The following PPP1R12C variants were observed in gnomAD, a reference collection of about 807,000 sequenced individuals.
PPP1R12C encodes leukocyte receptor cluster (LRC) encoded novel gene 3.
A neutral mutation model predicts 95.6 loss-of-function variants in PPP1R12C; 48 were observed. The observed-to-expected ratio is 0.50, with a 90% confidence interval of 0.40 to 0.64. PPP1R12C has a LOEUF of 0.64. Among genes scored for constraint, PPP1R12C ranks in the 30% least tolerant of loss-of-function variants. The probability of loss-of-function intolerance (pLI) is 0.00; values close to 1 mark genes in which losing one functional copy is unlikely to be tolerated. For missense variants in PPP1R12C, 1,057 were observed against 1,083.3 expected (o/e 0.98, Z 0.34); for synonymous variants, 480 against 460.8 (o/e 1.04, Z -0.53).
At chr19:55,105,474 TTTTC>T (rs148184899) in intron 3 of PPP1R12C, among the ~76,000 whole-genome samples, 22,518 of 152,096 alleles carry the variant, frequency 0.15, 1,793 homozygotes, top group East Asian at 0.27. Flanking sequence ...ACCTGTTGTG[TTTTC>T]TTTATCTTTT....
At chr19:55,101,910 G>A (rs1010066704) in intron 4 of PPP1R12C, among the ~76,000 whole-genome samples, 5 of 152,058 alleles carry the variant, frequency 3.3e-5, no homozygotes, top group African/African-American at 9.7e-5. Context: ...GTGCTAAGCC[G>A]AAGGGACAGC....
chr19:55,096,790 A>G, intron 6 of PPP1R12C: 1 of 255,536 alleles, frequency 3.9e-6, no homozygotes, highest in Non-Finnish European at 7.3e-6. Flanking sequence ...TTCCCCGCGC[A>G]GTTCACCACC....
At position 55,091,570 on chromosome 19, in the gene PPP1R12C, C is replaced by T; in HGVS notation, c.2263-12G>A. 2 of 1,613,042 alleles carry T rather than the reference C, an allele frequency of 1.2e-6. No homozygotes were observed. Among genetic ancestry groups the T allele is most frequent in the Non-Finnish European group, 1.7e-6 (2 of 1,179,774 alleles). ...AGGTCAGACAGGGCCTGGGGGACGG[C>T]AAGGGTCAGCTGGGCAGCCCTGGCG... On this transcript the variant is annotated splice_polypyrimidine_tract_variant and intron_variant, in intron 21 of 21. Coordinates refer to ENST00000263433, the MANE Select transcript of PPP1R12C (RefSeq NM_017607.4).
intron 1 of PPP1R12C, chr19:55,113,575 C>T: frequency 7.6e-7 from 1 of 1,307,356 alleles, no homozygotes; most frequent in Non-Finnish European, 9.8e-7. Flanking sequence ...GCCTTGTGGA[C>T]ACTGGGTGGG....
At chr19:55,096,459 G>C in intron 6 of PPP1R12C, 124 bp from the exon 7 acceptor site, 1 of 1,177,696 alleles carries the variant, frequency 8.5e-7, no homozygotes, top group Non-Finnish European at 1.2e-6. Context: ...TGGGCTTACT[G>C]GTTTTCCTAC....
intron 6 of PPP1R12C, among the ~76,000 whole-genome samples, chr19:55,098,190 G>C (rs559476765): frequency 1.3e-5 from 2 of 152,346 alleles, no homozygotes; most frequent in South Asian, 2.1e-4. Context: ...CCGAGCTCCT[G>C]ACAGCACAAT....
Position 55,098,801 on chromosome 19 carries a change from C to T in PPP1R12C, c.934G>A (p.Ala312Thr), listed in dbSNP as rs1294007922. 3 of 1,613,572 alleles carry T rather than the reference C, an allele frequency of 1.9e-6. No homozygotes were observed. Among genetic ancestry groups the T allele is most frequent in the South Asian group, 2.2e-5 (2 of 91,088 alleles). ...EEVLSLLEEL[A>T]RKQEDLRNQK... ...ACACTCACGTCCTCCTGTTTCCGGG[C>T]CAGTTCCTCCAACAGGCTCAGTACT... The change falls in exon 6 of 22, where the codon GCC becomes ACC. Residue 312 changes from alanine to threonine, a missense_variant. By Grantham distance (58) the Ala-to-Thr change is moderately conservative. Around this residue, in one of 5 missense-constraint regions of PPP1R12C, gnomAD observed 356 missense variants for 330.5 expected, o/e 1.08. Coordinates refer to ENST00000263433, the MANE Select transcript of PPP1R12C (RefSeq NM_017607.4).
Position 55,093,052 on chromosome 19 carries a change from G to A in PPP1R12C, c.1789C>T (p.Pro597Ser), listed in dbSNP as rs1273659194. 6.3e-6 allele frequency: 10 copies of A among 1,597,130 alleles called. No homozygotes were observed. The African/African-American group carries it at 9.4e-5, about 15-fold the overall frequency. The change falls in exon 15 of 22, where the codon CCT becomes TCT. Residue 597 changes from proline to serine, a missense_variant. This residue lies in a region of PPP1R12C where 347 missense variants were observed against 307.9 expected (regional missense o/e 1.13). Coordinates refer to ENST00000263433, the MANE Select transcript of PPP1R12C (RefSeq NM_017607.4). ...GGGCTGTCAGAGTTCTCCACTCCAG[G>A]GACGCGGGGCCTTCGGGAAGGGTCC... Reference protein sequence around the residue: ...SLDPSRRPRVPGVENSDSPAQ... With the variant: ...SLDPSRRPRVSGVENSDSPAQ...
At position 55,091,064 on chromosome 19, in the gene PPP1R12C, C is replaced by A. The variant is rs565587771; in HGVS notation, c.*408G>T. On this transcript the variant is annotated 3_prime_UTR_variant, in exon 22 of 22. Transcript: ENST00000263433. ...CACATGGACCCTATATACAGGCCCA[C>A]CTGGCTGAGGCTGGCGGGACTCTTG... is the stretch of plus-strand genomic sequence containing the variant. 8.1e-5 allele frequency: 21 copies of A among 258,754 alleles called. No individual in the cohort carries two copies. Among genetic ancestry groups the A allele is most frequent in the African/African-American group, 4.5e-4 (20 of 44,698 alleles). The allele number at this position is 258,754 out of a possible 1,614,324, so 16.0% of individuals were successfully genotyped here. A position where few individuals can be genotyped will look rare whatever the true frequency, so the allele number is the denominator to read the frequency against.
chr19:55,092,510 G>T lies in PPP1R12C; in HGVS notation c.1987C>A (p.Arg663=). The T allele has an allele frequency of 6.2e-7, 1 of 1,608,748 alleles. No homozygotes were observed. The highest frequency in any genetic ancestry group is 8.5e-7 in the Non-Finnish European group (1 of 1,178,070). Residue 663 remains arginine (R), a synonymous_variant, in exon 18 of 22, where the codon CGG becomes AGG. Transcript: ENST00000263433. ...TCTGGGTTGAGGTCCCGCTGCCACC[G>T]CTGCCTGCGGGCCGAGGGGCCGCCC... ...LEGGPSARRQ[R]WQRDLNPEPE...
intron 15 of PPP1R12C, 36 bp downstream of exon 15, chr19:55,092,980 T>C (rs772442554): frequency 8.3e-5 from 129 of 1,563,586 alleles, no homozygotes; most frequent in Non-Finnish European, 9.4e-5. Flanking sequence ...AACTGGATGA[T>C]TCCCTGGGAA....
intron 1 of PPP1R12C, chr19:55,115,659 G>C (rs1426617265): frequency 6.6e-6 from 1 of 152,220 alleles, no homozygotes; most frequent in East Asian, 1.9e-4. Context: ...TGTGTCACCA[G>C]ATAAGGAATC....
In PPP1R12C at chr19:55,104,179, A is replaced by AAAT. The variant is rs34744793; in HGVS notation, c.572-612_572-611insATT. On this transcript the variant is annotated intron_variant, in intron 3 of 21. Coordinates refer to ENST00000263433, the MANE Select transcript of PPP1R12C (RefSeq NM_017607.4). Reference sequence around the variant, plus strand: ...CTCTGTCTAAAAAAAAAAAAAAAAAAGTATATATATATATATATATACACA... The same window carrying AAAT: ...CTCTGTCTAAAAAAAAAAAAAAAAAAAATGTATATATATATATATATATACACA... 8.6e-5 allele frequency among the ~76,000 whole-genome samples: 9 copies of AAAT among 104,356 alleles called. 1 individual carries two copies. Among genetic ancestry groups the AAAT allele is most frequent in the Admixed American group, 3.6e-4 (3 of 8,386 alleles). 68.5% of individuals were successfully genotyped at this position (104,356 alleles called of 152,430 possible).
intron 1 of PPP1R12C, chr19:55,113,474 G>A (rs1382374291): frequency 4.1e-6 from 6 of 1,473,230 alleles, no homozygotes; most frequent in African/African-American, 2.9e-5. Flanking sequence ...GGGCTGACAC[G>A]GGCCACCGTT....
chr19:55,095,511 C>A lies in PPP1R12C; in HGVS notation c.1320G>T (p.Glu440Asp). 6.3e-7 allele frequency: 1 copy of A among 1,577,004 alleles called. No individual in the cohort carries two copies. The highest frequency in any genetic ancestry group is 2.3e-5 in the East Asian group (1 of 42,986). The change falls in exon 10 of 22, where the codon GAG becomes GAT. Residue 440 changes from glutamate (E) to aspartate (D), a missense_variant. By Grantham distance (45) the Glu-to-Asp change is conservative (BLOSUM62 2). Transcript: ENST00000263433. Reference sequence around the variant, plus strand: ...GCTGCAGCCCAGCCCCAGGGGCTCCCTCCGCTGTCCGCCTTTCAGGGGGAC... The same window carrying A: ...GCTGCAGCCCAGCCCCAGGGGCTCCATCCGCTGTCCGCCTTTCAGGGGGAC... Reference protein sequence around the residue: ...ALGPPERRTAEGAPGAGLQRS... With the variant: ...ALGPPERRTADGAPGAGLQRS...
Position 55,096,302 on chromosome 19 carries a change from C to G in PPP1R12C, c.985G>C (p.Gly329Arg). Residue 329 changes from glycine to arginine, a missense_variant, in exon 7 of 22, where the codon GGC becomes CGC. Physicochemically the swap from Gly to Arg is moderately radical, Grantham distance 125. Transcript: ENST00000263433. ...CTAGAGGGCGCTTGGGGCTCCTGGC[C>G]CCGGCTCTGGGAAGCTTCTTTTTGG... ...RNQKEASQSR[G>R]QEPQAPSSSK... 6.2e-7 allele frequency: 1 copy of G among 1,613,768 alleles called. No individual in the cohort carries two copies.
chr19:55,095,148 C>T, intron 11 of PPP1R12C, 143 bp downstream of exon 11: 1 of 976,200 alleles, frequency 1.0e-6, no homozygotes, highest in Non-Finnish European at 1.6e-6. Flanking sequence ...GAGAGAGCCC[C>T]CAAGAGGAAC....
In PPP1R12C at chr19:55,092,249, G is replaced by C. The variant is rs914299485; in HGVS notation, c.2133C>G (p.Leu711=). The change falls in exon 19 of 22, where the codon CTC becomes CTG. Residue 711 remains leucine, a synonymous_variant. Coordinates refer to ENST00000263433, the MANE Select transcript of PPP1R12C (RefSeq NM_017607.4). ...GCGTGGCCCGCTCCAGCTCCACCTT[G>C]AGCTGCGCCAGCCGCAGCGTGGTCT... is the stretch of plus-strand genomic sequence containing the variant. The part of the protein sequence containing the change: ...LTETTLRLAQ[L]KVELERATQR... 6.3e-7 allele frequency: 1 copy of C among 1,587,628 alleles called. No individual in the cohort carries two copies. The highest frequency in any genetic ancestry group is 1.8e-5 in the Admixed American group (1 of 56,720).
chr19:55,092,881 C>T lies in PPP1R12C; in HGVS notation c.1826-13G>A. On this transcript the variant is annotated splice_polypyrimidine_tract_variant and intron_variant, in intron 15 of 21. Coordinates refer to ENST00000263433, the MANE Select transcript of PPP1R12C (RefSeq NM_017607.4). Reference sequence around the variant, plus strand: ...TCGGGCGCCTCTGCTGGGGGAGGGGCAGGAATCAGCCCAGGCACCTCCAGA... The same window carrying T: ...TCGGGCGCCTCTGCTGGGGGAGGGGTAGGAATCAGCCCAGGCACCTCCAGA... 1 of 1,599,472 alleles carries T rather than the reference C, an allele frequency of 6.3e-7. No homozygotes were observed. Among genetic ancestry groups the T allele is most frequent in the Non-Finnish European group, 8.5e-7 (1 of 1,173,920 alleles).
Sources: allele counts gnomAD v4.1 joint callset (sites outside exome capture counted in the v4.1 genomes callset), GRCh38; gene constraint gnomAD v4.1.1; regional missense constraint gnomAD v4.1.1; transcripts MANE v1.5; gene names NCBI Gene and HGNC (gene_info 2026-07-23, HGNC 2026-07-21).